Variants in NOL4 observed in about 807,000 individuals in gnomAD.
NOL4 encodes cancer/testis antigen 125.
NOL4 carries 17 observed loss-of-function variants against 75.9 expected under a neutral mutation model. The ratio of observed to expected loss-of-function variants is 0.22; its 90% confidence interval spans 0.15 to 0.34. The LOEUF (loss-of-function observed/expected upper bound fraction) is 0.34, where lower values mean the gene tolerates loss of function less well. NOL4 is among the 10% of genes least tolerant of loss of function. The pLI is 1.00. For missense variants in NOL4, 614 were observed against 793.5 expected (o/e 0.77, Z 2.72); for synonymous variants, 292 against 289.9 (o/e 1.01, Z -0.07).
chr18:34,069,047 TA>T (rs2077401548), intron 5 of NOL4, among the ~76,000 whole-genome samples: 1 of 151,794 alleles, frequency 6.6e-6, no homozygotes, highest in Non-Finnish European at 1.5e-5. Flanking sequence ...TAAAGCAAAA[TA>T]AAAAGAATAA....
At chr18:33,984,122 AT>A (rs772476794) in intron 6 of NOL4, among the ~76,000 whole-genome samples, 2 of 152,098 alleles carry the variant, frequency 1.3e-5, no homozygotes, top group African/African-American at 2.4e-5. Context: ...TGTTTTCTTG[AT>A]TAGGGCAATA....
At chr18:34,114,949 A>T (rs2079780579) in intron 2 of NOL4, among the ~76,000 whole-genome samples, 1 of 152,164 alleles carries the variant, frequency 6.6e-6, no homozygotes, top group African/African-American at 2.4e-5. Context: ...AACTATCTTC[A>T]ACTTGAGTCA....
chr18:33,984,038 C>G (rs914481238), intron 6 of NOL4, among the ~76,000 whole-genome samples: 12 of 152,018 alleles, frequency 7.9e-5, no homozygotes, highest in African/African-American at 2.9e-4. Flanking sequence ...CAAGATATAG[C>G]CTGTGAAAAA....
At chr18:33,875,479 A>G (rs936585123) in intron 10 of NOL4, among the ~76,000 whole-genome samples, 1 of 151,962 alleles carries the variant, frequency 6.6e-6, no homozygotes, top group East Asian at 1.9e-4. Flanking sequence ...GGTAGACAGA[A>G]TATTTCCTTG....
At chr18:34,095,685 T>C (rs117341456) in intron 4 of NOL4, among the ~76,000 whole-genome samples, 1,952 of 152,192 alleles carry the variant, frequency 0.013, 12 homozygotes, top group Middle Eastern at 0.034. Context: ...CACAATAAAA[T>C]GGTTTAATAT....
chr18:33,883,233 T>G lies in NOL4; in HGVS notation c.1723+11A>C. 1 of 1,562,496 alleles carries G rather than the reference T, an allele frequency of 6.4e-7. No individual in the cohort carries two copies. The highest frequency in any genetic ancestry group is 8.6e-7 in the Non-Finnish European group (1 of 1,158,678). On this transcript the variant is annotated intron_variant, in intron 10 of 10. Transcript: ENST00000261592. ...ATTAAAAAAAAAACACAATCTATGA[T>G]AAATACTCACCACTGCTGGAAGCAT...
At chr18:33,888,215 G>A (rs915844663) in intron 9 of NOL4, among the ~76,000 whole-genome samples, 1 of 152,170 alleles carries the variant, frequency 6.6e-6, no homozygotes, top group Non-Finnish European at 1.5e-5. Context: ...CTGCATGAAT[G>A]TCTTCTTTTG....
At chr18:33,984,208 C>A (rs1174986229) in intron 6 of NOL4, among the ~76,000 whole-genome samples, 1 of 151,998 alleles carries the variant, frequency 6.6e-6, no homozygotes, top group African/African-American at 2.4e-5. Flanking sequence ...ATTCATAGTA[C>A]ACAACAAATT....
At chr18:33,900,040 T>C (rs1011022371) in intron 9 of NOL4, among the ~76,000 whole-genome samples, 1 of 152,144 alleles carries the variant, frequency 6.6e-6, no homozygotes, top group African/African-American at 2.4e-5. Flanking sequence ...TAAAACTCTT[T>C]ATTAGTCCAT....
intron 5 of NOL4, among the ~76,000 whole-genome samples, chr18:34,024,060 T>C (rs2075191349): frequency 6.6e-6 from 1 of 151,346 alleles, no homozygotes; most frequent in African/African-American, 2.4e-5. Context: ...CCTGTGTGTG[T>C]ATTTAAGTGT....
intron 1 of NOL4, among the ~76,000 whole-genome samples, chr18:34,145,027 C>A (rs2081340448): frequency 6.6e-6 from 1 of 152,076 alleles, no homozygotes; most frequent in Non-Finnish European, 1.5e-5. Flanking sequence ...TCTCCACAGG[C>A]CACTGTATCT....
chr18:34,144,792 T>C (rs2081330786), intron 1 of NOL4, among the ~76,000 whole-genome samples: 1 of 152,182 alleles, frequency 6.6e-6, no homozygotes, highest in South Asian at 2.1e-4. Flanking sequence ...ACTTTTTTAT[T>C]ACGATAAAAT....
intron 2 of NOL4, among the ~76,000 whole-genome samples, chr18:34,120,412 C>G (rs1168785457): frequency 1.3e-5 from 2 of 152,142 alleles, no homozygotes; most frequent in Admixed American, 6.5e-5. Context: ...TCACAGCCCA[C>G]TAAATTAACT....
chr18:33,899,317 G>T (rs1471977905), intron 9 of NOL4, among the ~76,000 whole-genome samples: 3 of 152,092 alleles, frequency 2.0e-5, no homozygotes, highest in Non-Finnish European at 4.4e-5. Flanking sequence ...CCTGAAATTT[G>T]TACTGACTTA....
intron 5 of NOL4, among the ~76,000 whole-genome samples, chr18:34,066,707 C>T (rs2077291428): frequency 6.7e-6 from 1 of 149,856 alleles, no homozygotes; most frequent in Admixed American, 6.6e-5. Context: ...AAAAACAACA[C>T]TGAAGTATAA....
At chr18:33,872,321 A>T (rs1331784435) in intron 10 of NOL4, among the ~76,000 whole-genome samples, 4 of 152,020 alleles carry the variant, frequency 2.6e-5, no homozygotes, top group African/African-American at 9.7e-5. Context: ...CAATGCCTAC[A>T]TTATAACTCA....
At chr18:34,151,167 C>T (rs764793423) in intron 1 of NOL4, among the ~76,000 whole-genome samples, 4 of 151,826 alleles carry the variant, frequency 2.6e-5, no homozygotes, top group South Asian at 2.1e-4. Context: ...TCTGATAAAA[C>T]TAAACATACT....
At chr18:34,145,498 T>A (rs2146036687) in intron 1 of NOL4, among the ~76,000 whole-genome samples, 1 of 151,878 alleles carries the variant, frequency 6.6e-6, no homozygotes, top group Non-Finnish European at 1.5e-5. Flanking sequence ...TAGCATTCAA[T>A]TTTCAAGAGT....
At chr18:34,008,375 A>G (rs185187781) in intron 6 of NOL4, among the ~76,000 whole-genome samples, 12 of 102,784 alleles carry the variant, frequency 1.2e-4, no homozygotes, top group African/African-American at 4.5e-4. Flanking sequence ...CTGTCTGTCT[A>G]TCTATCTATC....
Sources: allele counts gnomAD v4.1 joint callset (sites outside exome capture counted in the v4.1 genomes callset), GRCh38; gene constraint gnomAD v4.1.1; transcripts MANE v1.5; gene names NCBI Gene and HGNC (gene_info 2026-07-23, HGNC 2026-07-21).